Variants in CCDC148 observed in about 807,000 individuals in gnomAD.
CCDC148 encodes the protein coiled-coil domain-containing protein 148.
A neutral mutation model predicts 85.7 loss-of-function variants in CCDC148; 89 were observed. The observed-to-expected ratio is 1.04, with a 90% CI of 0.87 to 1.24. The LOEUF (loss-of-function observed/expected upper bound fraction) is 1.24, where lower values mean the gene tolerates loss of function less well. Ranked by LOEUF, CCDC148 falls within the 50% of genes most tolerant of loss-of-function variation. The pLI, the probability that CCDC148 is intolerant of heterozygous loss-of-function variation, is 0.00. For synonymous variants in CCDC148, 230 were observed against 213.9 expected (o/e 1.08, Z -0.66); for missense variants, 692 against 671.7 (o/e 1.03, Z -0.33).
Position 158,171,625 on chromosome 2 carries a change from A to G in CCDC148, c.*488T>C, listed in dbSNP as rs887291686. ...GATTGGTTTGCAGTAAACATGGTGT[A>G]CCAAATTGGTTTCTAAATTTAGAGA... On this transcript the variant is annotated 3_prime_UTR_variant, in exon 14 of 14. Transcript: ENST00000283233. 1 of 152,012 alleles carries G rather than the reference A, an allele frequency of 6.6e-6. No homozygotes were observed. The highest frequency in any genetic ancestry group is 1.5e-5 in the Non-Finnish European group (1 of 67,970). The allele number at this position is 152,012 out of a possible 1,614,324, so 9.4% of individuals were successfully genotyped here.
rs1159428571 is a variant in CCDC148, at chr2:158,340,504, T to C, written c.334+94A>G. 4.3e-6 allele frequency: 6 copies of C among 1,411,404 alleles called. No individual in the cohort carries two copies. The African/African-American group carries it at 4.3e-5, about 10-fold the overall frequency. The allele number at this position is 1,411,404 out of a possible 1,614,324, so 87.4% of individuals were successfully genotyped here. On this transcript the variant is annotated intron_variant, in intron 4 of 13. Transcript: ENST00000283233. ...GGGGATTTCCTTAGAAAAAAACAAA[T>C]GGCAGTTAATATTAAAAGAACATGA...
Position 158,356,175 on chromosome 2 carries a change from G to A in CCDC148, c.147+2274C>T, listed in dbSNP as rs1235292386. On this transcript the variant is annotated intron_variant, in intron 2 of 13. Coordinates refer to ENST00000283233, the MANE Select transcript of CCDC148 (RefSeq NM_138803.4). ...CATTCAGGACATAGGCATGGGCAAG[G>A]ACTTCATGTCTAAAACACCAAAAGC... 1.2e-4 allele frequency among the ~76,000 whole-genome samples: 15 copies of A among 126,792 alleles called. 1 individual carries two copies. Among genetic ancestry groups the A allele is most frequent in the Admixed American group, 1.1e-3 (15 of 13,230 alleles). The allele number at this position is 126,792 out of a possible 152,430, so 83.2% of individuals were successfully genotyped here. A position where few individuals can be genotyped will look rare whatever the true frequency, so the allele number is the denominator to read the frequency against.
At chr2:158,249,522 T>A (rs1392645793) in intron 10 of CCDC148, among the ~76,000 whole-genome samples, 1 of 152,158 alleles carries the variant, frequency 6.6e-6, no homozygotes, top group Non-Finnish European at 1.5e-5. Flanking sequence ...AGAAATCAAA[T>A]TCCTTTTTGA....
At chr2:158,265,640 T>C (rs1164545081) in intron 9 of CCDC148, among the ~76,000 whole-genome samples, 3 of 152,130 alleles carry the variant, frequency 2.0e-5, no homozygotes, top group African/African-American at 7.2e-5. Context: ...CTGGGTCCAC[T>C]TCCTCTTGTG....
chr2:158,335,837 G>A (rs1000149422), intron 7 of CCDC148, among the ~76,000 whole-genome samples: 4 of 152,022 alleles, frequency 2.6e-5, no homozygotes, highest in Admixed American at 2.6e-4. Flanking sequence ...TGTGACCTGG[G>A]AAAATGAGGT....
chr2:158,216,319 C>T (rs1686852988), intron 11 of CCDC148, among the ~76,000 whole-genome samples: 1 of 144,452 alleles, frequency 6.9e-6, no homozygotes, highest in South Asian at 2.3e-4. Flanking sequence ...TAAAAATATT[C>T]ATTTAAAATG....
intron 1 of CCDC148, among the ~76,000 whole-genome samples, chr2:158,400,429 G>C (rs1685728442): frequency 6.6e-6 from 1 of 152,072 alleles, no homozygotes; most frequent in South Asian, 2.1e-4. Context: ...TCTGATCTTT[G>C]ACAAACCTGA....
chr2:158,223,635 G>C (rs750543830), intron 10 of CCDC148, among the ~76,000 whole-genome samples: 1 of 152,164 alleles, frequency 6.6e-6, no homozygotes, highest in Non-Finnish European at 1.5e-5. Flanking sequence ...CCAGAGGAAC[G>C]ACCAGGCAGC....
intron 1 of CCDC148, among the ~76,000 whole-genome samples, chr2:158,449,732 A>G (rs1214612190): frequency 6.6e-6 from 1 of 152,242 alleles, no homozygotes; most frequent in East Asian, 1.9e-4. Flanking sequence ...TATAGGCATG[A>G]GCCACCATGC....
At chr2:158,352,131 CAG>C (rs1392895539) in intron 2 of CCDC148, among the ~76,000 whole-genome samples, 1 of 148,954 alleles carries the variant, frequency 6.7e-6, no homozygotes, top group African/African-American at 2.5e-5. Flanking sequence ...GGGGAAAAAA[CAG>C]AACAGAAAAA....
chr2:158,226,274 A>T (rs1242783375), intron 10 of CCDC148, among the ~76,000 whole-genome samples: 1 of 152,216 alleles, frequency 6.6e-6, no homozygotes, highest in African/African-American at 2.4e-5. Flanking sequence ...GAATCTCTGA[A>T]GAGACCAATA....
chr2:158,353,533 T>C (rs1683443613), intron 2 of CCDC148, among the ~76,000 whole-genome samples: 1 of 151,826 alleles, frequency 6.6e-6, no homozygotes, highest in South Asian at 2.1e-4. Context: ...CTAACTATCC[T>C]AAATATATAT....
chr2:158,381,158 A>C (rs1422553173), intron 1 of CCDC148, among the ~76,000 whole-genome samples: 1 of 152,182 alleles, frequency 6.6e-6, no homozygotes, highest in Non-Finnish European at 1.5e-5. Flanking sequence ...GACACCATTA[A>C]GGGAGTGAAA....
chr2:158,301,526 A>G (rs1393848271), intron 9 of CCDC148, among the ~76,000 whole-genome samples: 1 of 152,248 alleles, frequency 6.6e-6, no homozygotes, highest in Non-Finnish European at 1.5e-5. Flanking sequence ...GAGAGCAGTT[A>G]TAGCATATCA....
At position 158,456,319 on chromosome 2, in the gene CCDC148, G is replaced by T. The variant is rs573100619; in HGVS notation, c.25+96C>A. On this transcript the variant is annotated intron_variant, in intron 1 of 13. Transcript: ENST00000283233. ...TTGAGGAAAGATCCACCCCAGGGAA[G>T]GGGGAGTGGCTGCAGAGAACAAACA... 18 of 1,242,374 alleles carry T rather than the reference G, an allele frequency of 1.4e-5. No individual in the cohort carries two copies. In the South Asian group the frequency reaches 2.0e-4, roughly 14 times the overall value. 77.0% of individuals were successfully genotyped at this position (1,242,374 alleles called of 1,614,324 possible). A position where few individuals can be genotyped will look rare whatever the true frequency, so the allele number is the denominator to read the frequency against.
chr2:158,282,647 A>T (rs1361421883), intron 9 of CCDC148, among the ~76,000 whole-genome samples: 1 of 152,216 alleles, frequency 6.6e-6, no homozygotes, highest in African/African-American at 2.4e-5. Context: ...AGAAATGGAA[A>T]AACATTCCAT....
At chr2:158,349,327 T>C (rs1683147910) in intron 2 of CCDC148, among the ~76,000 whole-genome samples, 1 of 151,290 alleles carries the variant, frequency 6.6e-6, no homozygotes. Flanking sequence ...AAAAAAAGAG[T>C]TTATTTAAAA....
chr2:158,397,256 C>G (rs555803494), intron 1 of CCDC148, among the ~76,000 whole-genome samples: 1 of 152,092 alleles, frequency 6.6e-6, no homozygotes, highest in Non-Finnish European at 1.5e-5. Flanking sequence ...GGCCAACATT[C>G]AAATTCAGGA....
At chr2:158,335,785 C>T (rs1428688998) in intron 7 of CCDC148, among the ~76,000 whole-genome samples, 1 of 152,072 alleles carries the variant, frequency 6.6e-6, no homozygotes, top group African/African-American at 2.4e-5. Context: ...TGTATATTCA[C>T]CTAATCCTCT....
Sources: allele counts gnomAD v4.1 joint callset (sites outside exome capture counted in the v4.1 genomes callset), GRCh38; gene constraint gnomAD v4.1.1; transcripts MANE v1.5; gene names NCBI Gene and HGNC (gene_info 2026-07-23, HGNC 2026-07-21).